The following ARHGEF1 variants were observed in gnomAD, a reference collection of about 807,000 sequenced individuals.
ARHGEF1 encodes the protein Rho guanine nucleotide exchange factor 1, also known as 115 kDa guanine nucleotide exchange factor.
A neutral mutation model predicts 119.7 loss-of-function variants in ARHGEF1; 40 were observed. That is an observed-to-expected ratio of 0.33 (90% CI 0.26 to 0.44). The LOEUF (loss-of-function observed/expected upper bound fraction) is 0.44, where lower values mean the gene tolerates loss of function less well. ARHGEF1 is among the 20% of genes least tolerant of loss of function. The pLI is 1.00. For synonymous variants in ARHGEF1, 494 were observed against 521.0 expected (o/e 0.95, Z 0.71); for missense variants, 976 against 1,268.3 (o/e 0.77, Z 3.50).
chr19:41,909,021 C>G (rs1555851015), downstream of ARHGEF1: 2 of 1,155,888 alleles, frequency 1.7e-6, no homozygotes, highest in Non-Finnish European at 2.2e-6. The surrounding 1 kb of genome is among the most constrained non-coding windows in gnomAD (Gnocchi z 5.2). Flanking sequence ...CAGCTTCTCC[C>G]ACTGTGCCCC....
chr19:41,902,389 T>G lies in ARHGEF1; in HGVS notation c.1497+33T>G. ...GCCCAGCCCTCCCGCTCCTCCCAGC[T>G]AGACACATGGAATTCAGGCCCGGGA... On this transcript the variant is annotated intron_variant, in intron 16 of 28. Transcript: ENST00000354532. The surrounding 1 kb of genome is among the most constrained non-coding windows in gnomAD (Gnocchi z 6.5). The G allele has an allele frequency of 1.2e-6, 2 of 1,613,456 alleles. No homozygotes were observed. The highest frequency in any genetic ancestry group is 1.7e-6 in the Non-Finnish European group (2 of 1,179,712).
At chr19:41,896,863 A>ATCCTCTCTCACCTC in intron 13 of ARHGEF1, 1 of 69,320 alleles carries the variant, frequency 1.4e-5, no homozygotes, top group Non-Finnish European at 2.9e-5. Flanking sequence ...TCTCTCACCT[A>ATCCTCTCTCACCTC]CCCCCTCCTC....
intron 13 of ARHGEF1, 199 bp downstream of exon 13, chr19:41,896,681 T>C (rs782300788): frequency 1.6e-5 from 11 of 698,200 alleles, no homozygotes; most frequent in South Asian, 4.5e-5. Flanking sequence ...ATTGCCCCCC[T>C]TTCCTTTTAT....
At chr19:41,891,969 AGT>A in intron 4 of ARHGEF1, 54 bp from the exon 5 acceptor site, 2 of 1,447,148 alleles carry the variant, frequency 1.4e-6, no homozygotes, top group East Asian at 2.3e-5. Flanking sequence ...TCAAAGGGAG[AGT>A]GTGGTTTGAG....
rs1568831434 is a variant in ARHGEF1, at chr19:41,914,545, T to TC, written c.1865+7742_1865+7743insC. On this transcript the variant is annotated intron_variant, in intron 18 of 20. Coordinates refer to the ARHGEF1 transcript ENST00000599589. Reference sequence around the variant, plus strand: ...TTTCTCCCCATCTCTGCTATCCGTCTTTCCCTCCCCTTCCACCATCTCTGT... The same window carrying TC: ...TTTCTCCCCATCTCTGCTATCCGTCTCTTCCCTCCCCTTCCACCATCTCTGT... 3.4e-4 allele frequency among the ~76,000 whole-genome samples: 48 copies of TC among 140,428 alleles called. 3 individuals are homozygous for TC. Among genetic ancestry groups the TC allele is most frequent in the Middle Eastern group, 3.7e-3 (1 of 268 alleles). The allele number at this position is 140,428 out of a possible 152,430, so 92.1% of individuals were successfully genotyped here.
chr19:41,919,020 G>A (rs60505133), upstream of ARHGEF1, among the ~76,000 whole-genome samples: 40,113 of 149,384 alleles, frequency 0.27, 11,401 homozygotes, highest in African/African-American at 0.72. Flanking sequence ...TACACACCAT[G>A]CCACAGACAC....
In ARHGEF1 at chr19:41,895,442, T is replaced by C. The variant is rs782671442; in HGVS notation, c.971T>C (p.Val324Ala). 6.2e-7 allele frequency: 1 copy of C among 1,611,426 alleles called. No homozygotes were observed. The highest frequency in any genetic ancestry group is 1.1e-5 in the South Asian group (1 of 91,022). Residue 324 changes from valine to alanine, a missense_variant, in exon 12 of 29, where the codon GTC becomes GCC. By Grantham distance (64) the Val-to-Ala change is moderately conservative. This residue lies in a region of ARHGEF1 where 519 missense variants were observed against 580.9 expected (regional missense o/e 0.89). Coordinates refer to ENST00000354532, the MANE Select transcript of ARHGEF1 (RefSeq NM_004706.4). ...IGAPGQDTPG[V>A]SLHPLSLDSP... ...GCTCCTGGGCAGGACACCCCTGGAG[T>C]CTCTCTGCACCCTCTGTCCCTGGAC... is the stretch of plus-strand genomic sequence containing the variant.
intron 1 of ARHGEF1, among the ~76,000 whole-genome samples, chr19:41,886,899 C>T (rs1436960794): frequency 6.6e-6 from 1 of 152,180 alleles, no homozygotes; most frequent in African/African-American, 2.4e-5. Flanking sequence ...ACAGCTCCTT[C>T]CCACCTGACA....
intron 13 of ARHGEF1, chr19:41,896,851 C>G: frequency 6.1e-6 from 2 of 330,358 alleles, no homozygotes; most frequent in Non-Finnish European, 1.2e-5. Context: ...CCTCCCCCCT[C>G]CTCTCTCACC....
intron 18 of ARHGEF1, among the ~76,000 whole-genome samples, chr19:41,913,548 C>T (rs1259859610): frequency 1.3e-5 from 2 of 151,690 alleles, no homozygotes; most frequent in Admixed American, 1.3e-4. Context: ...CTCCAGTCCT[C>T]TACCCCACAG....
Position 41,888,088 on chromosome 19 carries a change from A to G in ARHGEF1, c.6A>G (p.Glu2=). Residue 2 remains glutamate, a synonymous_variant, in exon 2 of 29, where the codon GAA becomes GAG. Transcript: ENST00000354532. The surrounding 1 kb of genome is among the most constrained non-coding windows in gnomAD (Gnocchi z 5.1). M[E]DFARGAASPG... is the part of the protein sequence containing the mutation. ...GCCCTGCAGAGCCCAGGGAGATGGA[A>G]GACTTCGCCCGAGGGGCGGTGAGTG... is the stretch of plus-strand genomic sequence containing the variant. 1 of 1,613,414 alleles carries G rather than the reference A, an allele frequency of 6.2e-7. No homozygotes were observed. The highest frequency in any genetic ancestry group is 1.1e-5 in the South Asian group (1 of 91,000).
chr19:41,905,321 G>C lies in ARHGEF1; in HGVS notation c.2336+60G>C. Reference sequence around the variant, plus strand: ...GGAGTGGGGCCGGAAGGCGGGGCAGGCTTCCCTCCACAACTCCAGAACCGT... The same window carrying C: ...GGAGTGGGGCCGGAAGGCGGGGCAGCCTTCCCTCCACAACTCCAGAACCGT... On this transcript the variant is annotated intron_variant, in intron 24 of 28. Transcript: ENST00000354532. The surrounding 1 kb of genome is among the most constrained non-coding windows in gnomAD (Gnocchi z 6.4). 1 of 1,470,764 alleles carries C rather than the reference G, an allele frequency of 6.8e-7. No homozygotes were observed. The highest frequency in any genetic ancestry group is 9.3e-7 in the Non-Finnish European group (1 of 1,075,882). 91.1% of individuals were successfully genotyped at this position (1,470,764 alleles called of 1,614,324 possible). A position where few individuals can be genotyped will look rare whatever the true frequency, so the allele number is the denominator to read the frequency against.
In ARHGEF1 at chr19:41,917,374, G is replaced by A. The variant is rs2074807561; in HGVS notation, c.1866-5718G>A. On this transcript the variant is annotated intron_variant, in intron 18 of 20. Transcript: ENST00000599589. This position sits in a 1 kb window ranked among gnomAD's most constrained non-coding sequence, Gnocchi z 4.8. ...CCATCACCACGCCCCCCTGGGCTGG[G>A]GTTTAACCAGTTGTTTTGATTTCTC... Among the ~76,000 whole-genome samples, 1 of 151,798 alleles carries A rather than the reference G, an allele frequency of 6.6e-6. No individual in the cohort carries two copies. The highest frequency in any genetic ancestry group is 2.4e-5 in the African/African-American group (1 of 41,270).
chr19:41,923,424 G>A (rs879991064), intron 1 of ARHGEF1, among the ~76,000 whole-genome samples: 11 of 151,412 alleles, frequency 7.3e-5, no homozygotes, highest in Admixed American at 6.6e-4. Flanking sequence ...GACAACCAGA[G>A]AAATACAGAG....
At chr19:41,920,093 CACAG>C (rs782107471), upstream of ARHGEF1, among the ~76,000 whole-genome samples, 691 of 129,268 alleles carry the variant, frequency 5.3e-3, 6 homozygotes, top group African/African-American at 0.017. Context: ...ATGACACGCT[CACAG>C]ACATACACTC....
chr19:41,894,400 G>A, intron 9 of ARHGEF1, 51 bp from the exon 10 acceptor site: 1 of 1,526,140 alleles, frequency 6.6e-7, no homozygotes, highest in Non-Finnish European at 8.8e-7. Context: ...ATTCTGCTTT[G>A]TTGTTGTCTC....
chr19:41,888,708 C>G lies in ARHGEF1; in HGVS notation c.112-44C>G. Reference sequence around the variant, plus strand: ...AATGGGTAGGGTCAACCCTAAGGCCCCTCCTCTTCTCCCCATTGTACTCAC... The same window carrying G: ...AATGGGTAGGGTCAACCCTAAGGCCGCTCCTCTTCTCCCCATTGTACTCAC... On this transcript the variant is annotated intron_variant, in intron 3 of 28. Transcript: ENST00000354532. This position sits in a 1 kb window ranked among gnomAD's most constrained non-coding sequence, Gnocchi z 5.1. 1 of 1,571,346 alleles carries G rather than the reference C, an allele frequency of 6.4e-7. No homozygotes were observed.
intron 1 of ARHGEF1, among the ~76,000 whole-genome samples, chr19:41,886,748 T>C (rs2074299609): frequency 6.6e-6 from 1 of 152,180 alleles, no homozygotes; most frequent in African/African-American, 2.4e-5. Flanking sequence ...TGTTTAATCA[T>C]CAAAATCCTG....
In ARHGEF1 at chr19:41,905,322, C is replaced by A; in HGVS notation, c.2336+61C>A. 1 of 1,447,698 alleles carries A rather than the reference C, an allele frequency of 6.9e-7. No individual in the cohort carries two copies. The highest frequency in any genetic ancestry group is 9.5e-7 in the Non-Finnish European group (1 of 1,055,614). 89.7% of individuals were successfully genotyped at this position (1,447,698 alleles called of 1,614,324 possible). On this transcript the variant is annotated intron_variant, in intron 24 of 28. Coordinates refer to ENST00000354532, the MANE Select transcript of ARHGEF1 (RefSeq NM_004706.4). The surrounding 1 kb of genome is among the most constrained non-coding windows in gnomAD (Gnocchi z 6.4). ...GAGTGGGGCCGGAAGGCGGGGCAGG[C>A]TTCCCTCCACAACTCCAGAACCGTC...
Sources: gnomAD v4.1 joint callset for allele counts (sites outside exome capture counted in the v4.1 genomes callset) on GRCh38, gnomAD v4.1.1 for gene constraint, gnomAD v4.1.1 regional missense constraint, Gnocchi (gnomAD v3.1) non-coding constraint, MANE v1.5 for transcripts, NCBI Gene and HGNC (gene_info 2026-07-23, HGNC 2026-07-21) for gene names.